The following PLEKHG1 variants were observed in gnomAD, a reference collection of about 807,000 sequenced individuals.
PLEKHG1 encodes pleckstrin homology and RhoGEF domain containing G1, also known as pleckstrin homology domain-containing family G member 1.
In PLEKHG1, 44 loss-of-function variants were observed where a neutral mutation model predicts 100.8. That is an observed-to-expected ratio of 0.44 (90% CI 0.34 to 0.56). The LOEUF is 0.56. Ranked by LOEUF, PLEKHG1 falls within the 20% of genes least tolerant of loss-of-function variation. The pLI is 0.01. For missense variants in PLEKHG1, 1,545 were observed against 1,720.9 expected (o/e 0.90, Z 1.81); for synonymous variants, 640 against 662.5 (o/e 0.97, Z 0.52).
At chr6:150,708,536 G>A (rs774016275) in intron 3 of PLEKHG1, among the ~76,000 whole-genome samples, 1 of 152,148 alleles carries the variant, frequency 6.6e-6, no homozygotes, top group Non-Finnish European at 1.5e-5. Flanking sequence ...AAGTAAATGG[G>A]TTAGGGGATA....
intron 4 of PLEKHG1, among the ~76,000 whole-genome samples, chr6:150,793,831 C>T (rs184836341): frequency 6.6e-6 from 1 of 152,166 alleles, no homozygotes; most frequent in Non-Finnish European, 1.5e-5. Flanking sequence ...CCTGCAATCC[C>T]AGCACTTTGG....
intron 2 of PLEKHG1, among the ~76,000 whole-genome samples, chr6:150,756,788 T>C (rs575852127): frequency 3.9e-5 from 6 of 152,298 alleles, no homozygotes; most frequent in African/African-American, 1.2e-4. Context: ...AAGGCTTTTG[T>C]CTTTAAGGCC....
chr6:150,807,401 TG>T (rs1439787066), intron 7 of PLEKHG1, among the ~76,000 whole-genome samples: 1 of 152,206 alleles, frequency 6.6e-6, no homozygotes, highest in Non-Finnish European at 1.5e-5. Flanking sequence ...AATCAGACTC[TG>T]GCTCAAACTA....
chr6:150,685,641 G>A (rs759192682), intron 3 of PLEKHG1, among the ~76,000 whole-genome samples: 16 of 152,130 alleles, frequency 1.1e-4, no homozygotes, highest in Non-Finnish European at 1.9e-4. Context: ...GATACTAAAG[G>A]TTTTCTGAAT....
chr6:150,663,086 C>T (rs1268759546), intron 3 of PLEKHG1: 1 of 152,170 alleles, frequency 6.6e-6, no homozygotes, highest in Admixed American at 6.5e-5. Flanking sequence ...TATTTTTCTT[C>T]CCCCATGGTC....
chr6:150,809,348 T>C (rs910490282), intron 8 of PLEKHG1, 33 bp from the exon 10 acceptor site: 1 of 1,609,482 alleles, frequency 6.2e-7, no homozygotes, highest in Non-Finnish European at 8.5e-7. Context: ...CCCTCCTGAG[T>C]GTGCCTCACC....
intron 15 of PLEKHG1, among the ~76,000 whole-genome samples, chr6:150,836,426 T>A (rs1777222957): frequency 6.6e-6 from 1 of 151,940 alleles, no homozygotes; most frequent in Non-Finnish European, 1.5e-5. Flanking sequence ...AAAAAAATTC[T>A]GAGTAATGAA....
intron 1 of PLEKHG1, among the ~76,000 whole-genome samples, chr6:150,604,343 G>A (rs1303262238): frequency 6.6e-6 from 1 of 152,202 alleles, no homozygotes; most frequent in Non-Finnish European, 1.5e-5. Context: ...TAAAGTCCTA[G>A]GTGAGGGGAT....
At chr6:150,689,632 G>C (rs933781032) in intron 3 of PLEKHG1, among the ~76,000 whole-genome samples, 1 of 152,196 alleles carries the variant, frequency 6.6e-6, no homozygotes, top group Admixed American at 6.5e-5. Flanking sequence ...GGAGGCCAAG[G>C]TGGGTGGGTC....
chr6:150,745,708 A>G (rs1783125495), intron 2 of PLEKHG1, among the ~76,000 whole-genome samples: 1 of 151,804 alleles, frequency 6.6e-6, no homozygotes, highest in South Asian at 2.1e-4. Context: ...GCAAAATCAC[A>G]TGCGGAGAAA....
At chr6:150,666,927 A>AT (rs1779410671) in intron 3 of PLEKHG1, among the ~76,000 whole-genome samples, 3 of 152,050 alleles carry the variant, frequency 2.0e-5, no homozygotes, top group South Asian at 4.2e-4. Context: ...CACCCGGCTA[A>AT]TTTTTTTATA....
At chr6:150,812,950 T>C (rs1787615780) in intron 10 of PLEKHG1, among the ~76,000 whole-genome samples, 1 of 151,984 alleles carries the variant, frequency 6.6e-6, no homozygotes, top group African/African-American at 2.4e-5. Context: ...GATAATAAAG[T>C]CATCTGCTGA....
chr6:150,675,403 G>T lies in PLEKHG1; in HGVS notation c.-99+24617G>T, dbSNP rs558893708. On this transcript the variant is annotated intron_variant, in intron 3 of 3. Transcript: ENST00000367326. ...CAGCTGTGTGCACTGTCTCCTGTGCGTTCATCACACATGCTCATCCATTCT... is the reference window on the plus strand; with the variant it reads ...CAGCTGTGTGCACTGTCTCCTGTGCTTTCATCACACATGCTCATCCATTCT... 2.6e-5 allele frequency among the ~76,000 whole-genome samples: 4 copies of T among 152,282 alleles called. No individual in the cohort carries two copies. The South Asian group carries it at 8.3e-4, about 32-fold the overall frequency.
At chr6:150,842,951 A>G (rs1777597814) in exon 16 of PLEKHG1, 1 of 152,204 alleles carries the variant, frequency 6.6e-6, no homozygotes, top group East Asian at 1.9e-4. Context: ...TGATCTCATG[A>G]TCCGTCTGCC....
At position 150,809,299 on chromosome 6, in the gene PLEKHG1, C is replaced by T. The variant is rs1388502015; in HGVS notation, c.1095+12C>T. On this transcript the variant is annotated intron_variant, in intron 8 of 15. Coordinates refer to ENST00000358517, the Ensembl canonical transcript of PLEKHG1. ...AAGCTCACATCCTGGTAGGTCTGCA[C>T]GCTGGCCATGGGCAGGGACTCAGAT... 25 of 1,612,364 alleles carry T rather than the reference C, an allele frequency of 1.6e-5. No individual in the cohort carries two copies. Among genetic ancestry groups the T allele is most frequent in the South Asian group, 2.2e-5 (2 of 91,082 alleles).
chr6:150,673,060 C>T (rs372656977), intron 3 of PLEKHG1, among the ~76,000 whole-genome samples: 5 of 152,026 alleles, frequency 3.3e-5, no homozygotes, highest in South Asian at 2.1e-4. Context: ...TTTTCATAGT[C>T]GGCCGGAAAG....
At chr6:150,737,767 T>C (rs1206381339) in intron 2 of PLEKHG1, among the ~76,000 whole-genome samples, 1 of 152,176 alleles carries the variant, frequency 6.6e-6, no homozygotes, top group African/African-American at 2.4e-5. Flanking sequence ...GATAAAACTT[T>C]TACCCTGCCT....
At chr6:150,679,192 A>G (rs1051091246) in intron 3 of PLEKHG1, among the ~76,000 whole-genome samples, 1 of 152,252 alleles carries the variant, frequency 6.6e-6, no homozygotes, top group Non-Finnish European at 1.5e-5. Flanking sequence ...TGGCATGAGT[A>G]AGCACCATTG....
At chr6:150,842,258 G>A (rs886079828) in exon 16 of PLEKHG1, 6 of 152,158 alleles carry the variant, frequency 3.9e-5, no homozygotes, top group Admixed American at 2.0e-4. Flanking sequence ...TCAAGCGGTG[G>A]CCTTTGTATT....
Sources: gnomAD v4.1 joint callset for allele counts (sites outside exome capture counted in the v4.1 genomes callset) on GRCh38, gnomAD v4.1.1 for gene constraint, MANE v1.5 for transcripts, NCBI Gene and HGNC (gene_info 2026-07-23, HGNC 2026-07-21) for gene names.